The following ANAPC4 variants were observed in gnomAD, a reference collection of about 807,000 sequenced individuals.
ANAPC4 encodes anaphase promoting complex subunit 4.
In ANAPC4, 63 loss-of-function variants were observed where a neutral mutation model predicts 119.8. The observed-to-expected ratio is 0.53, with a 90% CI of 0.43 to 0.65. ANAPC4 has a LOEUF of 0.65. Among genes scored for constraint, ANAPC4 ranks in the 30% least tolerant of loss-of-function variants. The pLI is 0.00. For synonymous variants in ANAPC4, 283 were observed against 318.6 expected, an observed-to-expected ratio of 0.89 and a Z score of 1.19; for missense variants, 716 against 945.1, an observed-to-expected ratio of 0.76 and a Z score of 3.18.
In ANAPC4 at chr4:25,396,687, A is replaced by G. The variant is rs34239612; in HGVS notation, c.1085A>G (p.His362Arg). ...LQSGSESLLY[H>R]LSELKGMASW... Reference sequence around the variant, plus strand: ...AGTGGCTCGGAGTCTTTATTATACCATTTGAGTGAATTGAAAGGAATGGCT... The same window carrying G: ...AGTGGCTCGGAGTCTTTATTATACCGTTTGAGTGAATTGAAAGGAATGGCT... The change falls in exon 15 of 29, where the codon CAT becomes CGT. Residue 362 changes from histidine to arginine, a missense_variant. Around this residue, in one of 3 missense-constraint regions of ANAPC4, gnomAD observed 504 missense variants for 615.8 expected, o/e 0.82. Transcript: ENST00000315368. The G allele has an allele frequency of 6.2e-7, 1 of 1,612,846 alleles. No homozygotes were observed. The highest frequency in any genetic ancestry group is 8.5e-7 in the Non-Finnish European group (1 of 1,179,580).
intron 21 of ANAPC4, among the ~76,000 whole-genome samples, chr4:25,410,489 G>A (rs779569769): frequency 3.5e-4 from 53 of 152,222 alleles, no homozygotes; most frequent in Non-Finnish European, 5.0e-4. Flanking sequence ...ATCCTCACAA[G>A]ATTCTATGGG....
chr4:25,417,478 A>G, intron 27 of ANAPC4, 138 bp from the exon 28 acceptor site: 1 of 897,186 alleles, frequency 1.1e-6, no homozygotes. Flanking sequence ...TTTCTAACAC[A>G]ACAGTTGCTA....
intron 12 of ANAPC4, 47 bp downstream of exon 12, chr4:25,394,421 A>G (rs932152861): frequency 1.9e-5 from 28 of 1,476,546 alleles, no homozygotes; most frequent in Non-Finnish European, 2.5e-5. Context: ...CTTTTTTAAC[A>G]GTAATTATTT....
chr4:25,401,861 G>A (rs1199918823), intron 16 of ANAPC4, among the ~76,000 whole-genome samples: 5 of 152,176 alleles, frequency 3.3e-5, no homozygotes, highest in African/African-American at 1.2e-4. Context: ...GAAGAGAAAT[G>A]GCATTGCTTT....
intron 4 of ANAPC4, among the ~76,000 whole-genome samples, chr4:25,384,570 G>A (rs1156583065): frequency 6.6e-6 from 1 of 152,198 alleles, no homozygotes; most frequent in Non-Finnish European, 1.5e-5. Flanking sequence ...GCTCATGCCT[G>A]TAATCCCAGC....
chr4:25,389,604 A>G (rs1399237470), intron 7 of ANAPC4, among the ~76,000 whole-genome samples: 3 of 152,222 alleles, frequency 2.0e-5, no homozygotes, highest in Non-Finnish European at 4.4e-5. Flanking sequence ...TATCGTTGAC[A>G]TTAATACCTT....
chr4:25,390,324 T>A, intron 8 of ANAPC4, 104 bp downstream of exon 8: 1 of 758,846 alleles, frequency 1.3e-6, no homozygotes, highest in South Asian at 2.2e-5. Context: ...CAGTTTCGAT[T>A]TTTGGAATTA....
chr4:25,402,949 T>G (rs780589421), intron 16 of ANAPC4, 22 bp from the exon 17 acceptor site: 1 of 1,438,802 alleles, frequency 7.0e-7, no homozygotes. Context: ...TTATTTCTGA[T>G]TTTTTGTTTT....
Position 25,405,016 on chromosome 4 carries a change from A to G in ANAPC4, c.1271-557A>G, listed in dbSNP as rs953006109. Among the ~76,000 whole-genome samples the G allele has an allele frequency of 2.0e-5, 3 of 151,954 alleles. No individual in the cohort carries two copies. The highest frequency in any genetic ancestry group is 4.2e-4 in the South Asian group (2 of 4,818). On this transcript the variant is annotated intron_variant, in intron 17 of 28. Transcript: ENST00000315368. The surrounding 1 kb of genome is among the most constrained non-coding windows in gnomAD (Gnocchi z 4.6). ...ATGTTCAAATACCATGCAGAGGCAC[A>G]TAAAACATACTTTGTCTTGACTTAG...
intron 16 of ANAPC4, among the ~76,000 whole-genome samples, chr4:25,398,982 C>T (rs915929927): frequency 2.0e-5 from 3 of 150,886 alleles, no homozygotes; most frequent in African/African-American, 7.3e-5. Flanking sequence ...CTAGATTGTT[C>T]TTTAGACTTA....
intron 16 of ANAPC4, among the ~76,000 whole-genome samples, chr4:25,399,106 T>C (rs953174840): frequency 1.3e-5 from 2 of 152,156 alleles, no homozygotes; most frequent in African/African-American, 2.4e-5. Context: ...TCATATAATT[T>C]ATCTTTTCTG....
intron 16 of ANAPC4, among the ~76,000 whole-genome samples, chr4:25,399,438 T>C (rs1172562181): frequency 6.6e-6 from 1 of 150,850 alleles, no homozygotes; most frequent in African/African-American, 2.4e-5. Context: ...CATGTATGTA[T>C]GTATATGTAT....
In ANAPC4 at chr4:25,397,061, T is replaced by G. The variant is rs542861557; in HGVS notation, c.1214+162T>G. On this transcript the variant is annotated intron_variant, in intron 16 of 28. Transcript: ENST00000315368. ...CGAAAAGCCAGCAGCACAGAGAATTTATAAAGTAAAGCTGTATTTTCCTGT... is the reference window on the plus strand; with the variant it reads ...CGAAAAGCCAGCAGCACAGAGAATTGATAAAGTAAAGCTGTATTTTCCTGT... 2.0e-5 allele frequency among the ~76,000 whole-genome samples: 3 copies of G among 152,326 alleles called. No homozygotes were observed. The East Asian group carries it at 5.8e-4, about 29-fold the overall frequency.
intron 17 of ANAPC4, among the ~76,000 whole-genome samples, chr4:25,403,409 T>C (rs548302262): frequency 1.1e-4 from 16 of 152,310 alleles, no homozygotes; most frequent in Admixed American, 9.8e-4. Context: ...AAAGCTAACT[T>C]GTAGTCTGTT....
Position 25,385,777 on chromosome 4 carries a change from G to A in ANAPC4, c.368+2384G>A, listed in dbSNP as rs77553504. ...TTAAAGTGAGACAGTTGAACACTTA[G>A]AGGTCATTGTAGGGATATTAACTGG... On this transcript the variant is annotated intron_variant, in intron 4 of 28. Transcript: ENST00000315368. Among the ~76,000 whole-genome samples the A allele has an allele frequency of 7.5e-3, 1,145 of 152,238 alleles. 8 individuals are homozygous for A. Among genetic ancestry groups the A allele is most frequent in the African/African-American group, 0.023 (967 of 41,524 alleles).
At chr4:25,417,561 C>T (rs1021499372) in intron 27 of ANAPC4, 55 bp from the exon 28 acceptor site, 7 of 1,507,908 alleles carry the variant, frequency 4.6e-6, no homozygotes, top group Non-Finnish European at 1.8e-6. Flanking sequence ...TGTAGTAAAA[C>T]TAGGGAGGAT....
At position 25,409,859 on chromosome 4, in the gene ANAPC4, T is replaced by C. The variant is rs1352833824; in HGVS notation, c.1525+68T>C. ...TTTAAGACTAGGTCTTGAATAGTTCTGCTAACAGTTTTGCTGAAAACTTGC... is the reference window on the plus strand; with the variant it reads ...TTTAAGACTAGGTCTTGAATAGTTCCGCTAACAGTTTTGCTGAAAACTTGC... On this transcript the variant is annotated intron_variant, in intron 21 of 28. Coordinates refer to ENST00000315368, the MANE Select transcript of ANAPC4 (RefSeq NM_013367.3). The C allele has an allele frequency of 9.1e-6, 10 of 1,104,260 alleles. No individual in the cohort carries two copies. The South Asian group carries it at 1.3e-4, about 15-fold the overall frequency. The allele number at this position is 1,104,260 out of a possible 1,614,324, so 68.4% of individuals were successfully genotyped here. A position where few individuals can be genotyped will look rare whatever the true frequency, so the allele number is the denominator to read the frequency against.
At chr4:25,407,581 G>A (rs1356485012) in intron 20 of ANAPC4, among the ~76,000 whole-genome samples, 4 of 151,436 alleles carry the variant, frequency 2.6e-5, no homozygotes, top group Admixed American at 1.3e-4. Context: ...CACCCAGGGC[G>A]ACAGAACAAG....
intron 12 of ANAPC4, 34 bp downstream of exon 12, chr4:25,394,408 C>T (rs777728747): frequency 9.2e-6 from 14 of 1,528,706 alleles, no homozygotes; most frequent in Middle Eastern, 1.7e-4. Flanking sequence ...CCTGTTTTTG[C>T]TTCTTTTTTA....
Sources: gnomAD v4.1 joint callset for allele counts (sites outside exome capture counted in the v4.1 genomes callset) on GRCh38, gnomAD v4.1.1 for gene constraint, gnomAD v4.1.1 regional missense constraint, Gnocchi (gnomAD v3.1) non-coding constraint, MANE v1.5 for transcripts, NCBI Gene and HGNC (gene_info 2026-07-23, HGNC 2026-07-21) for gene names.